The following ANTXR1 variants were observed in gnomAD, a reference collection of about 807,000 sequenced individuals.
ANTXR1 encodes anthrax toxin receptor 1.
A neutral mutation model predicts 78.1 loss-of-function variants in ANTXR1; 19 were observed. The ratio of observed to expected loss-of-function variants is 0.24; its 90% CI spans 0.17 to 0.36. ANTXR1 has a LOEUF of 0.36. ANTXR1 is among the 10% of genes least tolerant of loss of function. ANTXR1 has a pLI of 1.00. For missense variants in ANTXR1, 518 were observed against 718.6 expected, an observed-to-expected ratio of 0.72 and a Z score of 3.19; for synonymous variants, 273 against 260.5, an observed-to-expected ratio of 1.05 and a Z score of -0.46.
intron 17 of ANTXR1, among the ~76,000 whole-genome samples, chr2:69,232,484 C>T (rs950292698): frequency 6.1e-5 from 9 of 147,324 alleles, no homozygotes; most frequent in African/African-American, 1.5e-4. Flanking sequence ...GGCGACAGAC[C>T]GAGAGCTTGT....
chr2:69,120,783 A>G (rs1049595799), intron 10 of ANTXR1, among the ~76,000 whole-genome samples: 45 of 152,232 alleles, frequency 3.0e-4, no homozygotes, highest in African/African-American at 1.0e-3. Context: ...GCAACATTCC[A>G]TCATCTGCCA....
intron 12 of ANTXR1, among the ~76,000 whole-genome samples, chr2:69,132,338 C>T (rs745467575): frequency 1.2e-4 from 19 of 152,240 alleles, no homozygotes; most frequent in Admixed American, 3.3e-4. Context: ...TGACCATCCC[C>T]CGCACAGTCT....
At chr2:69,201,577 C>T (rs951961095) in intron 17 of ANTXR1, among the ~76,000 whole-genome samples, 5 of 152,142 alleles carry the variant, frequency 3.3e-5, no homozygotes, top group East Asian at 1.9e-4. Context: ...GTGGACATAG[C>T]GGCAGTGAGA....
chr2:69,221,980 G>A (rs1675331411), intron 17 of ANTXR1, among the ~76,000 whole-genome samples: 1 of 152,188 alleles, frequency 6.6e-6, no homozygotes, highest in Non-Finnish European at 1.5e-5. Flanking sequence ...TCCTTAGCGG[G>A]TTTCGGAAAA....
At chr2:69,116,529 T>C (rs1363711670) in intron 10 of ANTXR1, among the ~76,000 whole-genome samples, 1 of 152,210 alleles carries the variant, frequency 6.6e-6, no homozygotes, top group Non-Finnish European at 1.5e-5. Context: ...CAGCTGATAA[T>C]TTGGTGCTGA....
intron 14 of ANTXR1, among the ~76,000 whole-genome samples, chr2:69,174,917 T>C (rs958324184): frequency 1.2e-4 from 19 of 152,224 alleles, no homozygotes; most frequent in Non-Finnish European, 2.5e-4. Flanking sequence ...AACTGAGGTA[T>C]AATGAGATTA....
At chr2:69,061,837 C>A (rs1338310441) in intron 3 of ANTXR1, among the ~76,000 whole-genome samples, 2 of 152,104 alleles carry the variant, frequency 1.3e-5, no homozygotes, top group Non-Finnish European at 2.9e-5. Context: ...TGATTTGAGA[C>A]AAATGTGTAG....
chr2:69,087,090 G>A (rs1280321411), intron 8 of ANTXR1, among the ~76,000 whole-genome samples: 1 of 152,190 alleles, frequency 6.6e-6, no homozygotes, highest in East Asian at 1.9e-4. Flanking sequence ...TACAGCAGAG[G>A]AAACTGAGAT....
intron 16 of ANTXR1, among the ~76,000 whole-genome samples, chr2:69,191,485 A>G (rs967640628): frequency 6.6e-6 from 1 of 152,162 alleles, no homozygotes; most frequent in Non-Finnish European, 1.5e-5. Context: ...CAAGATCAGG[A>G]TTTTCAAACG....
At chr2:69,194,407 C>A (rs146781828) in intron 17 of ANTXR1, among the ~76,000 whole-genome samples, 7 of 152,194 alleles carry the variant, frequency 4.6e-5, no homozygotes, top group Admixed American at 3.3e-4. Context: ...GGGTTTGAAC[C>A]GCCTTTCCTT....
intron 9 of ANTXR1, among the ~76,000 whole-genome samples, chr2:69,100,977 C>A (rs1342650917): frequency 6.6e-6 from 1 of 152,156 alleles, no homozygotes; most frequent in Non-Finnish European, 1.5e-5. Context: ...AAACCATAGG[C>A]CCGTCACCTT....
intron 17 of ANTXR1, among the ~76,000 whole-genome samples, chr2:69,203,744 CTTA>C (rs756000692): frequency 1.3e-4 from 19 of 143,462 alleles, no homozygotes; most frequent in Non-Finnish European, 2.4e-4. Context: ...CCTCCTCCTC[CTTA>C]TTATCACCAT....
intron 9 of ANTXR1, among the ~76,000 whole-genome samples, chr2:69,098,839 A>G (rs1251910173): frequency 6.6e-6 from 1 of 152,164 alleles, no homozygotes; most frequent in Non-Finnish European, 1.5e-5. Flanking sequence ...TACAAAAATT[A>G]GCCCGGTGTA....
At chr2:69,042,692 T>C (rs1339890480) in intron 2 of ANTXR1, among the ~76,000 whole-genome samples, 1 of 152,152 alleles carries the variant, frequency 6.6e-6, no homozygotes, top group Non-Finnish European at 1.5e-5. Context: ...CATCTCCATA[T>C]CCTTACTTCT....
At chr2:69,183,542 C>CG (rs1558628878) in intron 16 of ANTXR1, among the ~76,000 whole-genome samples, 1 of 150,634 alleles carries the variant, frequency 6.6e-6, no homozygotes, top group African/African-American at 2.4e-5. Flanking sequence ...GCTGGGACTA[C>CG]GGGCACGCAC....
At chr2:69,110,217 G>A (rs2104341131) in intron 10 of ANTXR1, among the ~76,000 whole-genome samples, 1 of 152,250 alleles carries the variant, frequency 6.6e-6, no homozygotes, top group East Asian at 1.9e-4. Context: ...TCGTTAGGAA[G>A]GAAATTTTTT....
chr2:69,205,624 A>G (rs1674881008), intron 17 of ANTXR1, among the ~76,000 whole-genome samples: 1 of 146,906 alleles, frequency 6.8e-6, no homozygotes, highest in Non-Finnish European at 1.5e-5. Flanking sequence ...CCCTCACAGC[A>G]CTGAGGACCT....
chr2:69,033,182 A>T (rs529702489), intron 1 of ANTXR1, among the ~76,000 whole-genome samples: 23 of 152,322 alleles, frequency 1.5e-4, no homozygotes, highest in African/African-American at 5.5e-4. Flanking sequence ...GGCAGCCCCA[A>T]CTCAAAGTAC....
chr2:69,147,964 C>T (rs954551728), intron 12 of ANTXR1, among the ~76,000 whole-genome samples: 1 of 152,192 alleles, frequency 6.6e-6, no homozygotes, highest in Admixed American at 6.5e-5. Flanking sequence ...CGTAAAAATG[C>T]AGGCGTTTCA....
Sources: gnomAD v4.1 joint callset for allele counts (sites outside exome capture counted in the v4.1 genomes callset) on GRCh38, gnomAD v4.1.1 for gene constraint, MANE v1.5 for transcripts, NCBI Gene and HGNC (gene_info 2026-07-23, HGNC 2026-07-21) for gene names.